Variants in MRTFA observed in about 807,000 individuals in gnomAD.
MRTFA encodes the protein myocardin-related transcription factor A.
Under a neutral mutation model 83.5 loss-of-function variants are expected in MRTFA, and 20 were observed. The observed-to-expected ratio is 0.24, with a 90% CI of 0.17 to 0.35. The LOEUF (loss-of-function observed/expected upper bound fraction) is 0.35. Among genes scored for constraint, MRTFA ranks in the 10% least tolerant of loss-of-function variants. MRTFA has a pLI of 1.00. For synonymous variants in MRTFA, 659 were observed against 541.2 expected, an observed-to-expected ratio of 1.22 and a Z score of -3.02; for missense variants, 1,200 against 1,224.7, an observed-to-expected ratio of 0.98 and a Z score of 0.30.
intron 3 of MRTFA, among the ~76,000 whole-genome samples, chr22:40,536,566 T>C (rs2055180560): frequency 1.0e-5 from 1 of 95,692 alleles, no homozygotes; most frequent in Non-Finnish European, 2.1e-5. Flanking sequence ...TGGCCGCCCA[T>C]CGTCTGGGAT....
At chr22:40,572,348 A>T (rs902177765) in intron 2 of MRTFA, among the ~76,000 whole-genome samples, 1 of 152,218 alleles carries the variant, frequency 6.6e-6, no homozygotes, top group African/African-American at 2.4e-5. Context: ...AGAGGTGCAC[A>T]TCTATAGTCC....
chr22:40,411,608 G>A lies in MRTFA; in HGVS notation c.2878C>T (p.Pro960Ser). Residue 960 changes from proline (P) to serine (S), a missense_variant, in exon 15 of 15, where the codon CCC (proline) becomes TCC (serine). Pro to Ser is a moderately conservative substitution (Grantham distance 74). Coordinates refer to ENST00000355630, the MANE Select transcript of MRTFA (RefSeq NM_020831.6). ...AAGTGCAATTCCGAGGTGTCCATGGGTGACGGGGGGTGGTCCAGGATGGCA... is the reference window on the plus strand; with the variant it reads ...AAGTGCAATTCCGAGGTGTCCATGGATGACGGGGGGTGGTCCAGGATGGCA... 1 of 1,613,806 alleles carries A rather than the reference G, an allele frequency of 6.2e-7. No individual in the cohort carries two copies. Among genetic ancestry groups the A allele is most frequent in the East Asian group, 2.2e-5 (1 of 44,890 alleles).
chr22:40,492,856 GA>G (rs1416038279), intron 3 of MRTFA, among the ~76,000 whole-genome samples: 3 of 152,126 alleles, frequency 2.0e-5, no homozygotes, highest in African/African-American at 7.2e-5. Context: ...CTCAATGAAT[GA>G]AAAAACAAAT....
intron 3 of MRTFA, among the ~76,000 whole-genome samples, chr22:40,520,940 C>T (rs1223627794): frequency 6.6e-6 from 1 of 152,084 alleles, no homozygotes; most frequent in Non-Finnish European, 1.5e-5. Flanking sequence ...ATTGCTAGGT[C>T]ACAGGATCTA....
At chr22:40,567,113 G>T (rs1169295383) in intron 2 of MRTFA, among the ~76,000 whole-genome samples, 1 of 152,156 alleles carries the variant, frequency 6.6e-6, no homozygotes, top group African/African-American at 2.4e-5. Flanking sequence ...CTGAAAAGTA[G>T]AGACATTAAC....
chr22:40,634,234 C>A (rs1386884596), intron 1 of MRTFA, among the ~76,000 whole-genome samples: 1 of 152,030 alleles, frequency 6.6e-6, no homozygotes, highest in East Asian at 1.9e-4. Context: ...ACTACAGGTG[C>A]AAGCCACCAC....
intron 3 of MRTFA, among the ~76,000 whole-genome samples, chr22:40,512,452 T>A (rs959445793): frequency 2.3e-4 from 35 of 152,316 alleles, no homozygotes; most frequent in Middle Eastern, 3.4e-3. Context: ...ATCCTTGCCA[T>A]CATCCTTCCA....
chr22:40,485,439 T>C (rs995858322), intron 3 of MRTFA, among the ~76,000 whole-genome samples: 1 of 151,708 alleles, frequency 6.6e-6, no homozygotes, highest in Non-Finnish European at 1.5e-5. Flanking sequence ...CTGACAGAAA[T>C]AGCTTAGGAG....
intron 2 of MRTFA, among the ~76,000 whole-genome samples, chr22:40,562,330 T>C (rs2055632244): frequency 6.6e-6 from 1 of 151,036 alleles, no homozygotes; most frequent in Non-Finnish European, 1.5e-5. Context: ...AACAAAGCCA[T>C]CCTGGACACC....
At chr22:40,442,466 G>C (rs1468676619) in intron 4 of MRTFA, among the ~76,000 whole-genome samples, 1 of 152,188 alleles carries the variant, frequency 6.6e-6, no homozygotes, top group Non-Finnish European at 1.5e-5. Context: ...GTGTGTATAG[G>C]AATAAACCCA....
At chr22:40,536,229 G>A (rs1042026375) in intron 3 of MRTFA, among the ~76,000 whole-genome samples, 1 of 151,938 alleles carries the variant, frequency 6.6e-6, no homozygotes, top group African/African-American at 2.4e-5. Flanking sequence ...CTTGGGCCCA[G>A]GAGTTCCAGG....
chr22:40,419,313 C>T lies in MRTFA; in HGVS notation c.1425G>A (p.Glu475=). 2 of 1,613,980 alleles carry T rather than the reference C, an allele frequency of 1.2e-6. No homozygotes were observed. Among genetic ancestry groups the T allele is most frequent in the Non-Finnish European group, 1.7e-6 (2 of 1,180,004 alleles). ...TTTGGTCTTGATAGGCTCGAAGGCG[C>T]TCAATCAGCTCAGTTTTGGTGCCCG... Residue 475 remains glutamate, a synonymous_variant, in exon 12 of 15, where the codon GAG becomes GAA. Transcript: ENST00000355630.
chr22:40,471,524 T>C (rs961500774), intron 3 of MRTFA, among the ~76,000 whole-genome samples: 1 of 152,316 alleles, frequency 6.6e-6, no homozygotes, highest in South Asian at 2.1e-4. Context: ...ACTGAAATAG[T>C]AATCTTCCCA....
chr22:40,486,741 G>C (rs1323568906), intron 3 of MRTFA, among the ~76,000 whole-genome samples: 1 of 152,222 alleles, frequency 6.6e-6, no homozygotes, highest in South Asian at 2.1e-4. Flanking sequence ...TCTAATCCTA[G>C]CACTTTGGGA....
At chr22:40,504,465 T>C (rs1398289743) in intron 3 of MRTFA, among the ~76,000 whole-genome samples, 1 of 152,262 alleles carries the variant, frequency 6.6e-6, no homozygotes, top group Non-Finnish European at 1.5e-5. Flanking sequence ...AACAAGTCAG[T>C]ACATCACATC....
chr22:40,479,793 G>C (rs2054057225), intron 3 of MRTFA, among the ~76,000 whole-genome samples: 1 of 152,088 alleles, frequency 6.6e-6, no homozygotes, highest in South Asian at 2.1e-4. Flanking sequence ...CAAAACACCT[G>C]TAGTCTCAAA....
At position 40,416,973 on chromosome 22, in the gene MRTFA, G is replaced by A; in HGVS notation, c.2578+13C>T. On this transcript the variant is annotated intron_variant, in intron 14 of 14. Coordinates refer to ENST00000355630, the MANE Select transcript of MRTFA (RefSeq NM_020831.6). The surrounding 1 kb of genome is among the most constrained non-coding windows in gnomAD (Gnocchi z 4.2). Reference sequence around the variant, plus strand: ...GAAGGCCGTCAGGGAGGCAGCAGGGGACCTGGGGTTACCTCCGCTCTGAAT... The same window carrying A: ...GAAGGCCGTCAGGGAGGCAGCAGGGAACCTGGGGTTACCTCCGCTCTGAAT... 1 of 1,588,630 alleles carries A rather than the reference G, an allele frequency of 6.3e-7. No individual in the cohort carries two copies. The highest frequency in any genetic ancestry group is 8.6e-7 in the Non-Finnish European group (1 of 1,167,390).
chr22:40,558,240 T>C (rs1168888949), intron 2 of MRTFA, among the ~76,000 whole-genome samples: 1 of 138,184 alleles, frequency 7.2e-6, no homozygotes, highest in African/African-American at 2.7e-5. Flanking sequence ...CACACCATCA[T>C]GCCTGGCTTT....
At chr22:40,429,344 A>C (rs1370657842) in intron 7 of MRTFA, 4 of 618,908 alleles carry the variant, frequency 6.5e-6, no homozygotes, top group Non-Finnish European at 1.2e-5. Flanking sequence ...CCGAGTTTAC[A>C]AAGATGGAAA....
Sources: gnomAD v4.1 joint callset for allele counts (sites outside exome capture counted in the v4.1 genomes callset) on GRCh38, gnomAD v4.1.1 for gene constraint, Gnocchi (gnomAD v3.1) non-coding constraint, MANE v1.5 for transcripts, NCBI Gene and HGNC (gene_info 2026-07-23, HGNC 2026-07-21) for gene names.